The following METTL21A variants were observed in gnomAD, a reference collection of about 807,000 sequenced individuals.
The protein encoded by METTL21A is protein N-lysine methyltransferase METTL21A.
METTL21A carries 22 observed loss-of-function variants against 20.9 expected under a neutral mutation model. That is an observed-to-expected ratio of 1.05 (90% CI 0.75 to 1.50). The LOEUF is 1.50. Among genes scored for constraint, METTL21A ranks in the 40% most tolerant of loss-of-function variants. METTL21A has a pLI of 0.00. For synonymous variants in METTL21A, 93 were observed against 102.0 expected (o/e 0.91, Z 0.53); for missense variants, 271 against 266.8 (o/e 1.02, Z -0.11).
rs1191865127 is a variant in METTL21A, at chr2:207,582,503, A to G, written c.260-343T>C. ...TATTGTTATTTATTATGTTGTTCATATTGTTCTAGCTTTGGCTACTGGGAT... is the reference window on the plus strand; with the variant it reads ...TATTGTTATTTATTATGTTGTTCATGTTGTTCTAGCTTTGGCTACTGGGAT... On this transcript the variant is annotated intron_variant, in intron 3 of 3. Transcript: ENST00000425132. Among the ~76,000 whole-genome samples the G allele has an allele frequency of 2.6e-5, 4 of 152,126 alleles. No individual in the cohort carries two copies. In the East Asian group the frequency reaches 7.7e-4, roughly 29 times the overall value.
At chr2:207,587,637 G>A (rs1017706023) in intron 3 of METTL21A, among the ~76,000 whole-genome samples, 4 of 152,180 alleles carry the variant, frequency 2.6e-5, no homozygotes, top group African/African-American at 7.2e-5. Context: ...TACATCATTT[G>A]TGGCCATGTG....
chr2:207,621,240 C>T (rs1409048477), intron 3 of METTL21A, among the ~76,000 whole-genome samples: 3 of 152,144 alleles, frequency 2.0e-5, no homozygotes, highest in Non-Finnish European at 4.4e-5. Flanking sequence ...TGTGTGTATA[C>T]CAAATTTTAA....
intron 3 of METTL21A, chr2:207,599,965 C>G (rs2086756474): frequency 5.2e-6 from 1 of 192,242 alleles, no homozygotes; most frequent in Non-Finnish European, 1.1e-5. Flanking sequence ...GCACTTTTAT[C>G]TATAGGACAG....
At chr2:207,586,430 A>C (rs1203171051) in intron 3 of METTL21A, among the ~76,000 whole-genome samples, 1 of 152,238 alleles carries the variant, frequency 6.6e-6, no homozygotes, top group Non-Finnish European at 1.5e-5. Context: ...TGGATTAAAT[A>C]CTTAAACATA....
chr2:207,603,380 C>G (rs1420460673), intron 3 of METTL21A: 2 of 224,694 alleles, frequency 8.9e-6, no homozygotes, highest in African/African-American at 4.5e-5. Flanking sequence ...TCATAATGCT[C>G]TTTTTACACA....
upstream of METTL21A, chr2:207,625,955 G>A (rs1575176382): frequency 6.6e-6 from 1 of 152,326 alleles, no homozygotes; most frequent in Admixed American, 6.5e-5. Context: ...TGGCGCCCGA[G>A]TCCAAGTTTT....
chr2:207,614,397 T>C (rs1214703220), intron 3 of METTL21A, among the ~76,000 whole-genome samples: 11 of 148,060 alleles, frequency 7.4e-5, no homozygotes, highest in Admixed American at 3.4e-4. Flanking sequence ...AAAAAAAATA[T>C]CTGGGAGCAG....
chr2:207,599,771 A>G (rs1050201524), intron 3 of METTL21A: 1 of 196,272 alleles, frequency 5.1e-6, no homozygotes, highest in African/African-American at 2.3e-5. Context: ...AGAAAATGAC[A>G]TAATTTTTAA....
At chr2:207,604,723 C>T (rs964485569), downstream of METTL21A, among the ~76,000 whole-genome samples, 7 of 152,200 alleles carry the variant, frequency 4.6e-5, no homozygotes, top group Non-Finnish European at 5.9e-5. Context: ...AAAGTAAAGT[C>T]CCGTTACTCT....
chr2:207,595,508 C>CCT (rs1278532632), intron 3 of METTL21A, among the ~76,000 whole-genome samples: 1 of 151,784 alleles, frequency 6.6e-6, no homozygotes, highest in Non-Finnish European at 1.5e-5. Context: ...GCAGCCTCGA[C>CCT]CTCCCGGCCT....
exon 4 of METTL21A, chr2:207,581,763 TAC>T (rs2082986332): frequency 1.5e-6 from 1 of 680,180 alleles, no homozygotes; most frequent in African/African-American, 1.8e-5. Context: ...AACTGAATTA[TAC>T]ATTTTATTTC....
intron 3 of METTL21A, among the ~76,000 whole-genome samples, chr2:207,590,336 CT>C (rs1487213796): frequency 6.6e-6 from 1 of 151,798 alleles, no homozygotes; most frequent in African/African-American, 2.4e-5. Flanking sequence ...TTCGCCACCC[CT>C]ACCCCAGCCA....
intron 3 of METTL21A, chr2:207,602,871 CAT>C (rs1481506985): frequency 2.8e-5 from 6 of 217,866 alleles, no homozygotes; most frequent in Non-Finnish European, 4.6e-5. Context: ...GATTTGTCCA[CAT>C]GTCAGTTGTA....
chr2:207,581,865 C>T (rs1487698609), exon 4 of METTL21A: 1 of 702,704 alleles, frequency 1.4e-6, no homozygotes, highest in African/African-American at 1.7e-5. Context: ...GTTTCCTTGT[C>T]TTTGATGGCC....
At chr2:207,607,269 A>T (rs2088255132), downstream of METTL21A, among the ~76,000 whole-genome samples, 1 of 152,028 alleles carries the variant, frequency 6.6e-6, no homozygotes, top group African/African-American at 2.4e-5. Flanking sequence ...GATGCCTGTA[A>T]TCCCAGCTAC....
intron 3 of METTL21A, chr2:207,600,234 T>C (rs1317322088): frequency 2.2e-5 from 2 of 91,408 alleles, no homozygotes; most frequent in East Asian, 3.2e-4. Flanking sequence ...ATAATATATG[T>C]GTACATATAT....
At chr2:207,589,710 G>A (rs1274921315) in intron 3 of METTL21A, among the ~76,000 whole-genome samples, 1 of 152,140 alleles carries the variant, frequency 6.6e-6, no homozygotes, top group African/African-American at 2.4e-5. Context: ...AATCTACTGA[G>A]GTGATCGTGT....
At chr2:207,607,866 T>A (rs1339765597), downstream of METTL21A, among the ~76,000 whole-genome samples, 1 of 151,720 alleles carries the variant, frequency 6.6e-6, no homozygotes, top group Non-Finnish European at 1.5e-5. Context: ...CAAGCACACT[T>A]AAAATGTACA....
At chr2:207,608,128 C>T (rs939443545), downstream of METTL21A, among the ~76,000 whole-genome samples, 3 of 152,068 alleles carry the variant, frequency 2.0e-5, no homozygotes, top group Non-Finnish European at 4.4e-5. Context: ...TCATAAAGGA[C>T]CATCACCCTG....
Sources: allele counts gnomAD v4.1 joint callset (sites outside exome capture counted in the v4.1 genomes callset), GRCh38; gene constraint gnomAD v4.1.1; transcripts MANE v1.5; gene names NCBI Gene and HGNC (gene_info 2026-07-23, HGNC 2026-07-21).